CPLX1: variants seen among roughly 807,000 people sequenced by gnomAD.
The protein encoded by CPLX1 is complexin 1.
Under a neutral mutation model 15.6 loss-of-function variants are expected in CPLX1, and 6 were observed. The observed-to-expected ratio is 0.39, with a 90% CI of 0.21 to 0.76. The LOEUF is 0.76. Ranked by LOEUF, CPLX1 falls within the 30% of genes least tolerant of loss-of-function variation. The probability of loss-of-function intolerance (pLI) is 0.43; values close to 1 mark genes in which losing one functional copy is unlikely to be tolerated. For missense variants in CPLX1, 242 were observed against 188.6 expected (o/e 1.28, Z -1.66); for synonymous variants, 91 against 75.2 (o/e 1.21, Z -1.08).
chr4:805,349 T>G lies in CPLX1; in HGVS notation c.32-12741A>C, dbSNP rs139826288. Among the ~76,000 whole-genome samples, 14 of 152,326 alleles carry G rather than the reference T, an allele frequency of 9.2e-5. No homozygotes were observed. The East Asian group carries it at 2.7e-3, about 29-fold the overall frequency. ...CTGAAAAACCTAACAGGTGTTCCTTTGAAGCTCTCATGGAATGCTTACAAG... is the reference window on the plus strand; with the variant it reads ...CTGAAAAACCTAACAGGTGTTCCTTGGAAGCTCTCATGGAATGCTTACAAG... On this transcript the variant is annotated intron_variant, in intron 2 of 3. Transcript: ENST00000304062.
intron 2 of CPLX1, among the ~76,000 whole-genome samples, chr4:820,859 C>T (rs1374539701): frequency 6.6e-6 from 1 of 152,128 alleles, no homozygotes; most frequent in Non-Finnish European, 1.5e-5. Context: ...CCCCCACAAG[C>T]CCCTTGGGTT....
intron 2 of CPLX1, among the ~76,000 whole-genome samples, chr4:808,764 T>C (rs1464977895): frequency 6.6e-6 from 1 of 152,232 alleles, no homozygotes; most frequent in Non-Finnish European, 1.5e-5. Flanking sequence ...ACTTTCCTAA[T>C]ACACTTAAAA....
At chr4:787,490 C>A in intron 3 of CPLX1, 5 of 775,112 alleles carry the variant, frequency 6.5e-6, no homozygotes, top group Non-Finnish European at 7.8e-6. Context: ...GGGACGAGGC[C>A]ATCCTGGATT....
At chr4:788,046 G>A (rs1236659528) in intron 3 of CPLX1, 2 of 985,292 alleles carry the variant, frequency 2.0e-6, no homozygotes, top group South Asian at 4.7e-5. Flanking sequence ...ACTTAGGAGG[G>A]GAGTGGGCAC....
chr4:793,414 C>G (rs1419359379), intron 2 of CPLX1, among the ~76,000 whole-genome samples: 2 of 152,176 alleles, frequency 1.3e-5, no homozygotes, highest in Non-Finnish European at 2.9e-5. Context: ...TTCTCATGAG[C>G]TGCTGATTCA....
intron 2 of CPLX1, among the ~76,000 whole-genome samples, chr4:796,386 C>T (rs1402968574): frequency 6.6e-6 from 1 of 152,180 alleles, no homozygotes; most frequent in Non-Finnish European, 1.5e-5. Flanking sequence ...CCCGGGTTCA[C>T]GCAATTCCCT....
intron 2 of CPLX1, among the ~76,000 whole-genome samples, chr4:809,824 T>G (rs1746628837): frequency 6.9e-6 from 1 of 143,986 alleles, no homozygotes. Flanking sequence ...TCTCTAGAAC[T>G]TTATATAAAG....
chr4:804,807 T>TCGTCAGCCTGGAGGC (rs1457743054), intron 2 of CPLX1: 1 of 985,174 alleles, frequency 1.0e-6, no homozygotes, highest in Non-Finnish European at 1.2e-6. Context: ...GCTCTGGCGG[T>TCGTCAGCCTGGAGGC]CGTCAGCCTG....
At chr4:788,189 G>C (rs73222841) in intron 3 of CPLX1, 48,531 of 985,202 alleles carry the variant, frequency 0.049, 1,340 homozygotes, top group South Asian at 0.11. Flanking sequence ...GAAGCAGTTG[G>C]TTCTGCTCCT....
intron 3 of CPLX1, among the ~76,000 whole-genome samples, chr4:789,171 C>T (rs918052459): frequency 6.6e-6 from 1 of 152,222 alleles, no homozygotes; most frequent in Non-Finnish European, 1.5e-5. Flanking sequence ...GGCTGGGCTG[C>T]ACACCAGAGC....
chr4:809,380 C>T (rs902932307), intron 2 of CPLX1, among the ~76,000 whole-genome samples: 3 of 152,212 alleles, frequency 2.0e-5, no homozygotes, highest in Admixed American at 6.5e-5. Context: ...AGCCTCTGCC[C>T]TGTCTCACGC....
chr4:798,160 A>C (rs1746380555), intron 2 of CPLX1, among the ~76,000 whole-genome samples: 1 of 151,390 alleles, frequency 6.6e-6, no homozygotes, highest in Non-Finnish European at 1.5e-5. Context: ...CTGTAATCCC[A>C]GCTACTTGAG....
chr4:792,236 G>A (rs1746198497), intron 3 of CPLX1, among the ~76,000 whole-genome samples, 197 bp downstream of exon 3: 2 of 152,176 alleles, frequency 1.3e-5, no homozygotes, highest in East Asian at 1.9e-4. Context: ...AGGAGCAGGA[G>A]GGGCTGGGCC....
chr4:824,335 C>T (rs1247254423), intron 2 of CPLX1, among the ~76,000 whole-genome samples, 157 bp downstream of exon 2: 1 of 152,152 alleles, frequency 6.6e-6, no homozygotes, highest in Non-Finnish European at 1.5e-5. Flanking sequence ...CTGCTGGGCA[C>T]GGTCCTTGCT....
intron 3 of CPLX1, among the ~76,000 whole-genome samples, chr4:791,789 G>C (rs1258550758): frequency 6.6e-6 from 1 of 151,796 alleles, no homozygotes; most frequent in African/African-American, 2.4e-5. Context: ...CCTTCTACGT[G>C]GGATGTGAAC....
At position 786,619 on chromosome 4, in the gene CPLX1, C is replaced by T; in HGVS notation, c.287G>A (p.Arg96Gln). Reference protein sequence around the residue: ...MEANSEGSLTRPKKAIPPGCG... With the variant: ...MEANSEGSLTQPKKAIPPGCG... ...GCCCGGCGGGATGGCCTTCTTGGGC[C>T]GCGTCAAGCTCCCCTCGGAGTTGGC... The change falls in exon 4 of 4, where the codon CGG becomes CAG. Residue 96 changes from arginine (R) to glutamine (Q), a missense_variant. Coordinates refer to ENST00000304062, the MANE Select transcript of CPLX1 (RefSeq NM_006651.4). 1 of 1,612,580 alleles carries T rather than the reference C, an allele frequency of 6.2e-7. No individual in the cohort carries two copies. The highest frequency in any genetic ancestry group is 8.5e-7 in the Non-Finnish European group (1 of 1,179,450).
intron 2 of CPLX1, among the ~76,000 whole-genome samples, chr4:797,164 C>T (rs1488298313): frequency 6.6e-6 from 1 of 152,246 alleles, no homozygotes; most frequent in Non-Finnish European, 1.5e-5. Context: ...GTCCTTGCCA[C>T]TCTCTGGCCC....
At chr4:813,110 C>CA (rs199628501) in intron 2 of CPLX1, among the ~76,000 whole-genome samples, 7,760 of 151,728 alleles carry the variant, frequency 0.051, 242 homozygotes, top group Middle Eastern at 0.088. Context: ...ACTAAAAATG[C>CA]AAAAATTAGC....
At chr4:787,303 C>T (rs1282631950) in intron 3 of CPLX1, 9 of 985,312 alleles carry the variant, frequency 9.1e-6, no homozygotes, top group Non-Finnish European at 8.4e-6. Flanking sequence ...GTCGTGCCCT[C>T]AGCCAGTATG....
Sources: gnomAD v4.1 joint callset for allele counts (sites outside exome capture counted in the v4.1 genomes callset) on GRCh38, gnomAD v4.1.1 for gene constraint, MANE v1.5 for transcripts, NCBI Gene and HGNC (gene_info 2026-07-23, HGNC 2026-07-21) for gene names.